The following ZNF365 variants were observed in gnomAD, a reference collection of about 807,000 sequenced individuals.
ZNF365 encodes the protein zinc finger protein 365.
ZNF365 carries 22 observed loss-of-function variants against 35.0 expected under a neutral mutation model. The ratio of observed to expected loss-of-function variants is 0.63; its 90% CI spans 0.45 to 0.90. The LOEUF (loss-of-function observed/expected upper bound fraction) is 0.90. Ranked by LOEUF, ZNF365 falls within the 40% of genes least tolerant of loss-of-function variation. The pLI is 0.00. For missense variants in ZNF365, 448 were observed against 500.3 expected (o/e 0.90, Z 1.00); for synonymous variants, 188 against 196.2 (o/e 0.96, Z 0.35).
downstream of ZNF365, among the ~76,000 whole-genome samples, chr10:62,407,336 A>T (rs1396288761): frequency 6.6e-6 from 1 of 152,168 alleles, no homozygotes; most frequent in East Asian, 1.9e-4. Flanking sequence ...TATAGATAAA[A>T]ACTCAAACAC....
intron 3 of ZNF365, among the ~76,000 whole-genome samples, chr10:62,435,477 T>G (rs1452374630): frequency 6.6e-6 from 1 of 152,190 alleles, no homozygotes; most frequent in African/African-American, 2.4e-5. Flanking sequence ...TCTGGAATAG[T>G]GCAAGGCTCT....
intron 3 of ZNF365, among the ~76,000 whole-genome samples, chr10:62,423,736 A>G (rs1322231745): frequency 6.6e-6 from 1 of 152,198 alleles, no homozygotes; most frequent in Non-Finnish European, 1.5e-5. Flanking sequence ...TTAGGGTTAC[A>G]AGGAGATCAC....
chr10:62,388,508 G>A lies in ZNF365; in HGVS notation c.856G>A (p.Glu286Lys). Residue 286 changes from glutamate to lysine, a missense_variant, in exon 3 of 5, where the codon GAG becomes AAG. By Grantham distance (56) the Glu-to-Lys change is moderately conservative (BLOSUM62 1). Around this residue, in one of 3 missense-constraint regions of ZNF365, gnomAD observed 362 missense variants for 375.7 expected, o/e 0.96. Transcript: ENST00000395254. ...ENLLQRVELA[E>K]KQLEYYQSQQ... The stretch of plus-strand genomic sequence containing the variant: ...TCTGTTACAGCGGGTAGAACTGGCG[G>A]AGAAGCAGCTTGAGTACTATCAGAG... 4.3e-6 allele frequency: 7 copies of A among 1,614,176 alleles called. No individual in the cohort carries two copies. The highest frequency in any genetic ancestry group is 5.9e-6 in the Non-Finnish European group (7 of 1,180,028).
At chr10:62,479,113 A>G (rs1841179888) in intron 4 of ZNF365, among the ~76,000 whole-genome samples, 1 of 152,206 alleles carries the variant, frequency 6.6e-6, no homozygotes, top group South Asian at 2.1e-4. Context: ...CTGTCCAATT[A>G]AAGGGATTTA....
rs372818401 is a variant in ZNF365, at chr10:62,401,984, C to T, written c.*2195C>T. The stretch of plus-strand genomic sequence containing the variant: ...GAAATGTGTTATGTATGTTGTGCCT[C>T]CTTAGAGACATAAATTTAGTGTCAA... On this transcript the variant is annotated 3_prime_UTR_variant, in exon 5 of 5. Coordinates refer to ENST00000395254, the MANE Select transcript of ZNF365 (RefSeq NM_014951.3). 3.0e-6 allele frequency: 3 copies of T among 985,416 alleles called. No individual in the cohort carries two copies. The highest frequency in any genetic ancestry group is 4.7e-5 in the South Asian group (1 of 21,282). The allele number at this position is 985,416 out of a possible 1,614,324, so 61.0% of individuals were successfully genotyped here. A position where few individuals can be genotyped will look rare whatever the true frequency, so the allele number is the denominator to read the frequency against.
At chr10:62,473,900 G>T (rs79296416) in intron 4 of ZNF365, among the ~76,000 whole-genome samples, 7,305 of 152,224 alleles carry the variant, frequency 0.048, 222 homozygotes, top group East Asian at 0.17. Flanking sequence ...AAGGATGAAG[G>T]TTCCTTCTTT....
At chr10:62,380,989 T>A (rs1057031639) in intron 2 of ZNF365, among the ~76,000 whole-genome samples, 1 of 152,022 alleles carries the variant, frequency 6.6e-6, no homozygotes, top group Non-Finnish European at 1.5e-5. Context: ...GTGAGGTGTG[T>A]GGGGGGGAAC....
chr10:62,447,815 G>T (rs1351098790), intron 3 of ZNF365, among the ~76,000 whole-genome samples: 3 of 152,180 alleles, frequency 2.0e-5, no homozygotes, highest in Admixed American at 1.3e-4. Flanking sequence ...CGTGGTGGAT[G>T]GTTTCATGGC....
intron 4 of ZNF365, among the ~76,000 whole-genome samples, chr10:62,467,428 AT>A (rs1840962264): frequency 6.6e-6 from 1 of 152,268 alleles, no homozygotes; most frequent in Non-Finnish European, 1.5e-5. Context: ...TCTTTATCAA[AT>A]TCAGATCAAA....
intron 4 of ZNF365, among the ~76,000 whole-genome samples, chr10:62,464,059 C>T (rs1009333155): frequency 1.3e-5 from 2 of 152,182 alleles, no homozygotes; most frequent in African/African-American, 4.8e-5. Flanking sequence ...TTGAGCCTCA[C>T]AACCCAGTCT....
intron 2 of ZNF365, among the ~76,000 whole-genome samples, chr10:62,385,926 T>C (rs78571807): frequency 6.6e-6 from 1 of 152,202 alleles, no homozygotes; most frequent in South Asian, 2.1e-4. Context: ...TTTTGGTTGT[T>C]TGCCCTGTAA....
chr10:62,470,982 G>C (rs1249622546), intron 4 of ZNF365, among the ~76,000 whole-genome samples: 1 of 144,056 alleles, frequency 6.9e-6, no homozygotes, highest in Non-Finnish European at 1.5e-5. Context: ...AACTTGGATT[G>C]TTCATGCATT....
chr10:62,391,513 G>T (rs944400560), intron 3 of ZNF365, among the ~76,000 whole-genome samples: 1 of 152,076 alleles, frequency 6.6e-6, no homozygotes, highest in Non-Finnish European at 1.5e-5. Flanking sequence ...TTCCATTCCT[G>T]AGTTACCTCA....
intron 4 of ZNF365, among the ~76,000 whole-genome samples, chr10:62,461,917 A>C (rs1840854182): frequency 6.6e-6 from 1 of 152,254 alleles, no homozygotes; most frequent in South Asian, 2.1e-4. Flanking sequence ...GCTTTATATT[A>C]AATCAGAATG....
chr10:62,475,128 T>G (rs1841106823), intron 4 of ZNF365, among the ~76,000 whole-genome samples: 1 of 152,214 alleles, frequency 6.6e-6, no homozygotes, highest in Non-Finnish European at 1.5e-5. Context: ...CAGGCCACGG[T>G]CAGCTCCTTT....
chr10:62,401,874 A>T lies in ZNF365; in HGVS notation c.*2085A>T. 1 of 985,512 alleles carries T rather than the reference A, an allele frequency of 1.0e-6. No homozygotes were observed. The highest frequency in any genetic ancestry group is 1.2e-6 in the Non-Finnish European group (1 of 829,894). 61.0% of individuals were successfully genotyped at this position (985,512 alleles called of 1,614,324 possible). A position where few individuals can be genotyped will look rare whatever the true frequency, so the allele number is the denominator to read the frequency against. On this transcript the variant is annotated 3_prime_UTR_variant, in exon 5 of 5. Transcript: ENST00000395254. Reference sequence around the variant, plus strand: ...GTACCATAATGTCATCCTACTCTACATTTCACAAGACGAATTATTTTGAGA... The same window carrying T: ...GTACCATAATGTCATCCTACTCTACTTTTCACAAGACGAATTATTTTGAGA...
Position 62,383,801 on chromosome 10 carries a change from T to C in ZNF365, c.744-4595T>C, listed in dbSNP as rs541536281. Among the ~76,000 whole-genome samples, 34 of 152,280 alleles carry C rather than the reference T, an allele frequency of 2.2e-4. 1 individual carries two copies. The South Asian group carries it at 4.4e-3, about 19-fold the overall frequency. On this transcript the variant is annotated intron_variant, in intron 2 of 4. Transcript: ENST00000395254. ...ATTCCATCTGTAAAAAATGAAATAA[T>C]ATTATCTATTTTTCAGACCATATGG...
intron 3 of ZNF365, among the ~76,000 whole-genome samples, chr10:62,422,927 T>G (rs1005190703): frequency 2.0e-5 from 3 of 152,166 alleles, no homozygotes; most frequent in Non-Finnish European, 4.4e-5. Flanking sequence ...CTTGCCAACT[T>G]GTTCTCAACT....
intron 4 of ZNF365, among the ~76,000 whole-genome samples, chr10:62,464,927 C>T (rs1840913574): frequency 6.6e-6 from 1 of 152,232 alleles, no homozygotes; most frequent in Non-Finnish European, 1.5e-5. Flanking sequence ...GTGCACTCTG[C>T]AGCACCAGCA....
Sources: allele counts gnomAD v4.1 joint callset (sites outside exome capture counted in the v4.1 genomes callset), GRCh38; gene constraint gnomAD v4.1.1; regional missense constraint gnomAD v4.1.1; transcripts MANE v1.5; gene names NCBI Gene and HGNC (gene_info 2026-07-23, HGNC 2026-07-21).